Variants in CYFIP1 observed in about 807,000 individuals in gnomAD.
CYFIP1 encodes the protein cytoplasmic FMR1-interacting protein 1.
CYFIP1 carries 58 observed loss-of-function variants against 163.5 expected under a neutral mutation model. The observed-to-expected ratio is 0.35, with a 90% CI of 0.29 to 0.44. CYFIP1 has a LOEUF of 0.44. Ranked by LOEUF, CYFIP1 falls within the 20% of genes least tolerant of loss-of-function variation. The pLI is 1.00. For missense variants in CYFIP1, 1,338 were observed against 1,653.8 expected (o/e 0.81, Z 3.31); for synonymous variants, 663 against 660.7 (o/e 1.00, Z -0.05).
intron 6 of CYFIP1, 142 bp downstream of exon 6, chr15:22,943,031 A>G (rs2061941433): frequency 2.7e-6 from 2 of 737,848 alleles, no homozygotes; most frequent in South Asian, 3.7e-5. Flanking sequence ...AGGTGCTCAC[A>G]CAGCCCTGAC....
At chr15:22,880,850 G>A (rs1204793568) in intron 25 of CYFIP1, among the ~76,000 whole-genome samples, 5 of 152,148 alleles carry the variant, frequency 3.3e-5, no homozygotes, top group South Asian at 2.1e-4. Flanking sequence ...GCGGGGGTGG[G>A]GGCGGGGACG....
At chr15:22,944,722 C>T in intron 4 of CYFIP1, 63 bp from the exon 5 acceptor site, 5 of 1,540,612 alleles carry the variant, frequency 3.2e-6, no homozygotes, top group Non-Finnish European at 4.5e-6. Context: ...AGCCGCTGGG[C>T]TTCTAGAGCT....
chr15:22,947,419 G>A, intron 1 of CYFIP1, 128 bp from the exon 2 acceptor site: 1 of 1,329,948 alleles, frequency 7.5e-7, no homozygotes, highest in Non-Finnish European at 1.0e-6. Context: ...TGGCTGACAG[G>A]GGCATGATCA....
At chr15:22,888,699 T>G (rs1452286522) in intron 23 of CYFIP1, among the ~76,000 whole-genome samples, 3 of 145,238 alleles carry the variant, frequency 2.1e-5, no homozygotes, top group Non-Finnish European at 3.0e-5. Context: ...GCCACTGCAA[T>G]CCAGCAATGG....
intron 30 of CYFIP1, among the ~76,000 whole-genome samples, chr15:22,870,983 A>G (rs748109014): frequency 6.6e-6 from 1 of 151,794 alleles, no homozygotes; most frequent in Non-Finnish European, 1.5e-5. Context: ...GGGGGAAGCC[A>G]GGGCCTCCTC....
intron 30 of CYFIP1, 125 bp from the exon 31 acceptor site, chr15:22,870,317 T>C: frequency 3.4e-6 from 4 of 1,190,798 alleles, no homozygotes; most frequent in Non-Finnish European, 4.6e-6. Flanking sequence ...ACACACATAC[T>C]GTTCTTTTTG....
At chr15:22,941,133 G>A (rs1382419981) in intron 6 of CYFIP1, among the ~76,000 whole-genome samples, 1 of 152,118 alleles carries the variant, frequency 6.6e-6, no homozygotes, top group Non-Finnish European at 1.5e-5. Flanking sequence ...ACAGCTCACT[G>A]CAGCCTCTAC....
chr15:22,928,361 C>A (rs1474825066), intron 11 of CYFIP1, among the ~76,000 whole-genome samples: 1 of 151,584 alleles, frequency 6.6e-6, no homozygotes, highest in African/African-American at 2.4e-5. Context: ...CCAGCCTGGG[C>A]GACAGAGCGA....
intron 23 of CYFIP1, among the ~76,000 whole-genome samples, chr15:22,891,934 C>A (rs1213744079): frequency 6.6e-6 from 1 of 152,222 alleles, no homozygotes. Context: ...TCCATCCCAG[C>A]TCCAGGCATT....
At chr15:22,948,592 C>T (rs1463789389) in intron 1 of CYFIP1, among the ~76,000 whole-genome samples, 4 of 152,150 alleles carry the variant, frequency 2.6e-5, no homozygotes, top group South Asian at 2.1e-4. Context: ...AACGTATGGG[C>T]TCCTACAGGA....
intron 1 of CYFIP1, among the ~76,000 whole-genome samples, chr15:22,951,891 C>A (rs976349063): frequency 6.6e-6 from 1 of 151,720 alleles, no homozygotes; most frequent in African/African-American, 2.4e-5. Flanking sequence ...CACGGAAAAA[C>A]GCCAGATGCG....
rs114623977 is a variant in CYFIP1, at chr15:22,882,469, A to C, written c.2820+399T>G. ...TCTCAAGTCACAGAAGATTAAAATA[A>C]TAAAAAGGATGAAAAATTATAAAAA... On this transcript the variant is annotated intron_variant, in intron 24 of 30. Coordinates refer to ENST00000617928, the MANE Select transcript of CYFIP1 (RefSeq NM_014608.6). 9.6e-3 allele frequency among the ~76,000 whole-genome samples: 1,457 copies of C among 152,346 alleles called. 25 individuals are homozygous for C. Among genetic ancestry groups the C allele is most frequent in the African/African-American group, 0.033 (1,358 of 41,578 alleles).
In CYFIP1 at chr15:22,870,141, C is replaced by T; in HGVS notation, c.3649G>A (p.Glu1217Lys). ...RIRKFQILND[E>K]IITILDKYLK... ...TACTTATCCAGGATGGTGATGATCT[C>T]ATCATTGAGAATCTGGAACTTGCGA... Residue 1217 changes from glutamate (E) to lysine (K), a missense_variant, in exon 31 of 31, where the codon GAG becomes AAG. Transcript: ENST00000617928. 1.2e-6 allele frequency: 2 copies of T among 1,612,764 alleles called. No homozygotes were observed. The highest frequency in any genetic ancestry group is 1.7e-6 in the Non-Finnish European group (2 of 1,179,520).
At chr15:22,899,001 A>T (rs918651500) in intron 22 of CYFIP1, among the ~76,000 whole-genome samples, 1 of 141,732 alleles carries the variant, frequency 7.1e-6, no homozygotes, top group South Asian at 2.2e-4. Flanking sequence ...GACTCTGTCT[A>T]AAAAAAAAAA....
At chr15:22,980,498 C>T (rs974380452), upstream of CYFIP1, 7 of 152,072 alleles carry the variant, frequency 4.6e-5, no homozygotes, top group Admixed American at 3.9e-4. Context: ...CGGGGCATCC[C>T]CGGCCGGGCG....
At chr15:22,956,955 G>A (rs1306738296) in intron 1 of CYFIP1, among the ~76,000 whole-genome samples, 1 of 152,228 alleles carries the variant, frequency 6.6e-6, no homozygotes, top group East Asian at 1.9e-4. Context: ...TTTTCACAGG[G>A]ACCGAACAGT....
chr15:22,946,721 G>T, intron 3 of CYFIP1: 1 of 601,398 alleles, frequency 1.7e-6, no homozygotes, highest in Non-Finnish European at 3.1e-6. Flanking sequence ...GGTGTGTGTG[G>T]GTGCAGATCT....
At chr15:22,878,592 T>G (rs771736482) in intron 26 of CYFIP1, among the ~76,000 whole-genome samples, 4 of 148,576 alleles carry the variant, frequency 2.7e-5, no homozygotes, top group Non-Finnish European at 5.9e-5. Flanking sequence ...TAGATGACAA[T>G]GTAAAGGAAT....
intron 20 of CYFIP1, among the ~76,000 whole-genome samples, chr15:22,909,724 ATTTT>A (rs894375395): frequency 6.6e-6 from 1 of 151,186 alleles, no homozygotes; most frequent in African/African-American, 2.4e-5. Context: ...TTAATTTTTA[ATTTT>A]TTTTCTTTTT....
Sources: allele counts gnomAD v4.1 joint callset (sites outside exome capture counted in the v4.1 genomes callset), GRCh38; gene constraint gnomAD v4.1.1; transcripts MANE v1.5; gene names NCBI Gene and HGNC (gene_info 2026-07-23, HGNC 2026-07-21).